The following SEMA3F variants were observed in gnomAD, a reference collection of about 807,000 sequenced individuals.
SEMA3F encodes semaphorin 3F.
In SEMA3F, 30 loss-of-function variants were observed where a neutral mutation model predicts 98.5. The observed-to-expected ratio is 0.30, with a 90% CI of 0.23 to 0.41. SEMA3F has a LOEUF of 0.41. Ranked by LOEUF, SEMA3F falls within the 10% of genes least tolerant of loss-of-function variation. The pLI is 1.00. For missense variants in SEMA3F, 866 were observed against 1,119.3 expected, an observed-to-expected ratio of 0.77 and a Z score of 3.23; for synonymous variants, 380 against 444.8, an observed-to-expected ratio of 0.85 and a Z score of 1.83.
intron 13 of SEMA3F, 141 bp from the exon 14 acceptor site, chr3:50,185,301 TG>T: frequency 1.3e-6 from 1 of 763,022 alleles, no homozygotes; most frequent in South Asian, 1.8e-5. Flanking sequence ...CCCTTTGACC[TG>T]GGGAAACTCT....
chr3:50,169,413 G>GAGGCC (rs1303860402), intron 2 of SEMA3F, among the ~76,000 whole-genome samples: 1 of 152,182 alleles, frequency 6.6e-6, no homozygotes, highest in Non-Finnish European at 1.5e-5. Flanking sequence ...GAGAGTCCTG[G>GAGGCC]AGGCCAGGAA....
intron 7 of SEMA3F, among the ~76,000 whole-genome samples, chr3:50,178,964 T>A (rs1388321511): frequency 6.6e-6 from 1 of 151,246 alleles, no homozygotes. Flanking sequence ...CCTGAGTAGC[T>A]GGGACTACAG....
intron 1 of SEMA3F, among the ~76,000 whole-genome samples, chr3:50,157,495 G>A (rs1698033290): frequency 6.6e-6 from 1 of 152,096 alleles, no homozygotes; most frequent in South Asian, 2.1e-4. Flanking sequence ...TGTGACTTGG[G>A]GGCTTTTCTG....
In SEMA3F at chr3:50,161,865, A is replaced by G. The variant is rs534817683; in HGVS notation, c.112+2131A>G. 3.9e-5 allele frequency among the ~76,000 whole-genome samples: 6 copies of G among 152,314 alleles called. No homozygotes were observed. In the East Asian group the frequency reaches 1.2e-3, roughly 29 times the overall value. Reference sequence around the variant, plus strand: ...CTGGGTGGTCTCAGCCTGGTTATGCACACATGAAGTGGCCCTCAGTGAGGA... The same window carrying G: ...CTGGGTGGTCTCAGCCTGGTTATGCGCACATGAAGTGGCCCTCAGTGAGGA... On this transcript the variant is annotated intron_variant, in intron 2 of 18. Coordinates refer to ENST00000002829, the MANE Select transcript of SEMA3F (RefSeq NM_004186.5).
intron 2 of SEMA3F, among the ~76,000 whole-genome samples, chr3:50,172,264 C>T (rs1295648596): frequency 6.6e-6 from 1 of 152,184 alleles, no homozygotes; most frequent in Non-Finnish European, 1.5e-5. Flanking sequence ...TACATGCATG[C>T]ACTCTTCTGT....
At chr3:50,185,376 G>C (rs1668754089) in intron 13 of SEMA3F, 67 bp from the exon 14 acceptor site, 3 of 1,457,700 alleles carry the variant, frequency 2.1e-6, no homozygotes, top group Admixed American at 3.9e-5. Context: ...GTGGGGGAAG[G>C]GGCTGAGGCT....
intron 2 of SEMA3F, among the ~76,000 whole-genome samples, chr3:50,168,476 A>G (rs1429355735): frequency 2.6e-5 from 4 of 152,070 alleles, no homozygotes; most frequent in Non-Finnish European, 2.9e-5. Flanking sequence ...GGTTGGCCTG[A>G]TCAGGGTGGC....
At position 50,156,438 on chromosome 3, in the gene SEMA3F, G is replaced by A. The variant is rs1262898275; in HGVS notation, c.-49+874G>A. Among the ~76,000 whole-genome samples the A allele has an allele frequency of 1.3e-5, 2 of 152,228 alleles. No individual in the cohort carries two copies. The highest frequency in any genetic ancestry group is 1.9e-4 in the East Asian group (1 of 5,192). On this transcript the variant is annotated intron_variant, in intron 1 of 18. Coordinates refer to ENST00000002829, the MANE Select transcript of SEMA3F (RefSeq NM_004186.5). The surrounding 1 kb of genome is among the most constrained non-coding windows in gnomAD (Gnocchi z 4.5). ...TTGCCACCAGAACATTACTGCTTGG[G>A]AGAGGTAAGGGAGACGCCAACCAAA... is the stretch of plus-strand genomic sequence containing the variant.
At chr3:50,160,152 A>C (rs1445185453) in intron 2 of SEMA3F, among the ~76,000 whole-genome samples, 3 of 152,182 alleles carry the variant, frequency 2.0e-5, no homozygotes, top group Non-Finnish European at 2.9e-5. Context: ...GCAGTTGGGC[A>C]GACACTGGAA....
intron 1 of SEMA3F, chr3:50,159,150 G>C (rs1475451684): frequency 6.4e-6 from 1 of 156,666 alleles, no homozygotes; most frequent in African/African-American, 2.4e-5. Flanking sequence ...CCTGTGGCTG[G>C]AGCAGGCAGG....
chr3:50,184,239 A>C, intron 12 of SEMA3F: 1 of 313,230 alleles, frequency 3.2e-6, no homozygotes, highest in Non-Finnish European at 6.1e-6. Context: ...CGGGGCCTGC[A>C]GTCCAGCTGT....
Position 50,185,890 on chromosome 3 carries a change from A to T in SEMA3F, c.1589A>T (p.Gln530Leu). Residue 530 changes from glutamine to leucine, a missense_variant and splice_region_variant, in exon 16 of 19, where the codon CAA becomes CTA. Gln to Leu is a moderately radical substitution (Grantham distance 113, BLOSUM62 -2). Around this residue, in one of 3 missense-constraint regions of SEMA3F, gnomAD observed 374 missense variants for 582.8 expected, o/e 0.64. Coordinates refer to ENST00000002829, the MANE Select transcript of SEMA3F (RefSeq NM_004186.5). ...ACAAGGCCCTACCCTTTGCCCCAGC[A>T]ACAACTCTACGTGGCGTCAGCCGTG... is the stretch of plus-strand genomic sequence containing the variant. ...VKTMTISSKR[Q>L]QLYVASAVGV... 6.2e-7 allele frequency: 1 copy of T among 1,611,020 alleles called. No homozygotes were observed. Among genetic ancestry groups the T allele is most frequent in the Non-Finnish European group, 8.5e-7 (1 of 1,177,770 alleles).
rs574913463 is a variant in SEMA3F, at chr3:50,178,918, G to A, written c.643+2057G>A. Among the ~76,000 whole-genome samples the A allele has an allele frequency of 2.7e-3, 362 of 134,842 alleles. 1 individual carries two copies. Among genetic ancestry groups the A allele is most frequent in the Non-Finnish European group, 4.5e-3 (291 of 64,854 alleles). The allele number at this position is 134,842 out of a possible 152,430, so 88.5% of individuals were successfully genotyped here. ...GTGATTTCAGCTCACTGCAAGTTCC[G>A]CCTCCCGGGTTCACGCCACTCTCCT... On this transcript the variant is annotated intron_variant, in intron 7 of 18. Coordinates refer to ENST00000002829, the MANE Select transcript of SEMA3F (RefSeq NM_004186.5).
intron 2 of SEMA3F, among the ~76,000 whole-genome samples, chr3:50,167,856 G>A (rs577150764): frequency 1.3e-5 from 2 of 152,218 alleles, no homozygotes; most frequent in South Asian, 2.1e-4. Context: ...TCTGGCCTTC[G>A]GTTCCTCTGC....
In SEMA3F at chr3:50,182,898, C is replaced by G; in HGVS notation, c.904-6C>G. ...ATCTGACCCGGCCTCTTGCCCCACC[C>G]CCCAGAACGATGACGGTGGTCACTG... is the stretch of plus-strand genomic sequence containing the variant. On this transcript the variant is annotated splice_polypyrimidine_tract_variant and splice_region_variant and intron_variant, in intron 9 of 18. Coordinates refer to ENST00000002829, the MANE Select transcript of SEMA3F (RefSeq NM_004186.5). This position sits in a 1 kb window ranked among gnomAD's most constrained non-coding sequence, Gnocchi z 4.5. 1 of 1,613,440 alleles carries G rather than the reference C, an allele frequency of 6.2e-7. No homozygotes were observed. The highest frequency in any genetic ancestry group is 8.5e-7 in the Non-Finnish European group (1 of 1,179,626).
intron 1 of SEMA3F, among the ~76,000 whole-genome samples, chr3:50,157,546 G>C (rs1295620050): frequency 6.6e-6 from 1 of 152,064 alleles, no homozygotes; most frequent in Non-Finnish European, 1.5e-5. Flanking sequence ...ACTGGCAGAG[G>C]GGAAGGCACT....
At chr3:50,171,148 C>T (rs980731321) in intron 2 of SEMA3F, among the ~76,000 whole-genome samples, 1 of 152,178 alleles carries the variant, frequency 6.6e-6, no homozygotes, top group Non-Finnish European at 1.5e-5. Context: ...GCTCCCTCCA[C>T]CCCCACCTCC....
At chr3:50,161,230 A>T (rs1042436785) in intron 2 of SEMA3F, among the ~76,000 whole-genome samples, 1 of 152,102 alleles carries the variant, frequency 6.6e-6, no homozygotes, top group African/African-American at 2.4e-5. Flanking sequence ...TCATGCATGC[A>T]AGTAAGCAGG....
At chr3:50,155,124 C>G, upstream of SEMA3F, 1 of 415,664 alleles carries the variant, frequency 2.4e-6, no homozygotes, top group Non-Finnish European at 4.4e-6. This position sits in a 1 kb window ranked among gnomAD's most constrained non-coding sequence, Gnocchi z 4.9. Flanking sequence ...GTCCGGAGAG[C>G]CCCGAGCGCA....
Sources: allele counts gnomAD v4.1 joint callset (sites outside exome capture counted in the v4.1 genomes callset), GRCh38; gene constraint gnomAD v4.1.1; regional missense constraint gnomAD v4.1.1; non-coding constraint Gnocchi (gnomAD v3.1); transcripts MANE v1.5; gene names NCBI Gene and HGNC (gene_info 2026-07-23, HGNC 2026-07-21).